Variants in HTR4 observed in about 807,000 individuals in gnomAD.
HTR4 encodes the protein 5-hydroxytryptamine (serotonin) receptor 4, G protein-coupled.
Under a neutral mutation model 36.8 loss-of-function variants are expected in HTR4, and 16 were observed. That is an observed-to-expected ratio of 0.43 (90% CI 0.29 to 0.66). The LOEUF is 0.66. Among genes scored for constraint, HTR4 ranks in the 30% least tolerant of loss-of-function variants. HTR4 has a pLI of 0.13. For synonymous variants in HTR4, 189 were observed against 185.1 expected (o/e 1.02, Z -0.17); for missense variants, 438 against 490.9 (o/e 0.89, Z 1.02).
chr5:148,611,770 A>G (rs1752439404), intron 2 of HTR4, among the ~76,000 whole-genome samples: 2 of 151,788 alleles, frequency 1.3e-5, no homozygotes, highest in African/African-American at 4.8e-5. Context: ...AGTGTGCTGT[A>G]TTCAGGAAAC....
chr5:148,540,340 C>G (rs1260990363), intron 4 of HTR4, among the ~76,000 whole-genome samples: 8 of 136,610 alleles, frequency 5.9e-5, no homozygotes, highest in Non-Finnish European at 1.2e-4. Context: ...AACTATATAA[C>G]AAATCTTCAA....
intron 6 of HTR4, among the ~76,000 whole-genome samples, chr5:148,499,550 C>T (rs1581385226): frequency 6.6e-6 from 1 of 152,198 alleles, no homozygotes; most frequent in African/African-American, 2.4e-5. Flanking sequence ...TAAGCCTGCC[C>T]TCTAATATGT....
At chr5:148,650,715 T>C (rs1754010050) in intron 1 of HTR4, among the ~76,000 whole-genome samples, 1 of 152,170 alleles carries the variant, frequency 6.6e-6, no homozygotes, top group Non-Finnish European at 1.5e-5. Context: ...ACTTTTCCAT[T>C]ACCCAACACT....
At position 148,509,451 on chromosome 5, in the gene HTR4, C is replaced by T. The variant is rs942606439; in HGVS notation, c.1076+5G>A. On this transcript the variant is annotated splice_donor_5th_base_variant and intron_variant, in intron 6 of 6. Coordinates refer to ENST00000377888, the MANE Select transcript of HTR4 (RefSeq NM_000870.7). The stretch of plus-strand genomic sequence containing the variant: ...CAAATCAATGAACTCCCTTAGTATA[C>T]TCACCTTAGTACATGTGTGGATCCA... 3.1e-6 allele frequency: 5 copies of T among 1,590,718 alleles called. No individual in the cohort carries two copies. Among genetic ancestry groups the T allele is most frequent in the Non-Finnish European group, 4.3e-6 (5 of 1,166,052 alleles).
At chr5:148,639,565 C>T (rs1459369160) in intron 1 of HTR4, among the ~76,000 whole-genome samples, 2 of 148,948 alleles carry the variant, frequency 1.3e-5, no homozygotes, top group African/African-American at 5.0e-5. Context: ...ATTTCACACC[C>T]CATTTTCTAA....
rs565163343 is a variant in HTR4, at chr5:148,583,730, G to A, written c.27-33468C>T. Among the ~76,000 whole-genome samples, 4 of 151,900 alleles carry A rather than the reference G, an allele frequency of 2.6e-5. No homozygotes were observed. In the South Asian group the frequency reaches 6.3e-4, roughly 24 times the overall value. Reference sequence around the variant, plus strand: ...TACCACACACCCACTCCTAATCTGGGCCATGTAAAAACTGTGGAGATGATG... The same window carrying A: ...TACCACACACCCACTCCTAATCTGGACCATGTAAAAACTGTGGAGATGATG... On this transcript the variant is annotated intron_variant, in intron 2 of 6. Coordinates refer to ENST00000377888, the MANE Select transcript of HTR4 (RefSeq NM_000870.7).
chr5:148,479,521 A>G (rs1755808705), downstream of HTR4, among the ~76,000 whole-genome samples: 1 of 152,220 alleles, frequency 6.6e-6, no homozygotes, highest in Non-Finnish European at 1.5e-5. Flanking sequence ...TAATTTATCA[A>G]TAAATATAAT....
chr5:148,531,005 A>G (rs1484116770), intron 4 of HTR4, among the ~76,000 whole-genome samples: 2 of 152,116 alleles, frequency 1.3e-5, no homozygotes, highest in Admixed American at 1.3e-4. Context: ...GGCCATATTT[A>G]CCCAATGCCT....
chr5:148,616,103 TG>T lies in HTR4; in HGVS notation c.26+20885del, dbSNP rs1752672834. Among the ~76,000 whole-genome samples, 2 of 152,364 alleles carry T rather than the reference TG, an allele frequency of 1.3e-5. 1 individual carries two copies. The highest frequency in any genetic ancestry group is 4.1e-4 in the South Asian group (2 of 4,832). ...ACGTATTAGCTCAATGAATGGATTC[TG>T]GGCATCTGCACGAAGGAGAAATATG... On this transcript the variant is annotated intron_variant, in intron 2 of 6. Transcript: ENST00000377888.
chr5:148,453,490 G>A (rs976917685), intron 5 of HTR4, among the ~76,000 whole-genome samples: 1 of 152,170 alleles, frequency 6.6e-6, no homozygotes, highest in Non-Finnish European at 1.5e-5. Flanking sequence ...AGCCCTGTGA[G>A]ATATAGTGAG....
At chr5:148,465,327 G>A (rs376179123) in intron 5 of HTR4, among the ~76,000 whole-genome samples, 1 of 152,090 alleles carries the variant, frequency 6.6e-6, no homozygotes, top group East Asian at 1.9e-4. Context: ...CTGTGCCTGG[G>A]GTAAGGAGGC....
intron 2 of HTR4, among the ~76,000 whole-genome samples, chr5:148,605,292 C>A (rs1752110530): frequency 8.2e-6 from 1 of 121,774 alleles, no homozygotes. Flanking sequence ...GAGTCTCACT[C>A]TTGTCGCCCA....
intron 2 of HTR4, among the ~76,000 whole-genome samples, chr5:148,570,478 G>C (rs1760628689): frequency 6.6e-6 from 1 of 152,116 alleles, no homozygotes; most frequent in Non-Finnish European, 1.5e-5. Context: ...GATGATAATT[G>C]AGCTGCAACT....
chr5:148,500,241 A>G (rs1756877193), intron 6 of HTR4, among the ~76,000 whole-genome samples: 1 of 151,942 alleles, frequency 6.6e-6, no homozygotes, highest in Non-Finnish European at 1.5e-5. Context: ...CCCTGGAGAT[A>G]TTGATCAAAG....
At chr5:148,593,702 A>G (rs17108477) in intron 2 of HTR4, among the ~76,000 whole-genome samples, 18,485 of 152,160 alleles carry the variant, frequency 0.12, 1,218 homozygotes, top group African/African-American at 0.15. Flanking sequence ...CTGTCATTCT[A>G]TGGCTTAAAA....
At chr5:148,653,048 C>T (rs1435467367) in intron 1 of HTR4, among the ~76,000 whole-genome samples, 1 of 152,110 alleles carries the variant, frequency 6.6e-6, no homozygotes, top group Non-Finnish European at 1.5e-5. Flanking sequence ...GCAGCAACAT[C>T]TCCCTTGGTC....
At chr5:148,491,494 A>T (rs1756437459) in intron 6 of HTR4, among the ~76,000 whole-genome samples, 1 of 151,934 alleles carries the variant, frequency 6.6e-6, no homozygotes, top group Non-Finnish European at 1.5e-5. Flanking sequence ...GGGTTTCTTA[A>T]CCTCGGCACT....
chr5:148,625,935 T>A (rs1294668391), intron 2 of HTR4, among the ~76,000 whole-genome samples: 1 of 152,100 alleles, frequency 6.6e-6, no homozygotes, highest in Non-Finnish European at 1.5e-5. Flanking sequence ...TTCATTTTGT[T>A]CACACAGATG....
downstream of HTR4, among the ~76,000 whole-genome samples, chr5:148,478,610 G>A (rs754937646): frequency 1.3e-5 from 2 of 152,140 alleles, no homozygotes; most frequent in Non-Finnish European, 2.9e-5. Context: ...CCCTGGTCCA[G>A]CGATTGGGCT....
Sources: allele counts gnomAD v4.1 joint callset (sites outside exome capture counted in the v4.1 genomes callset), GRCh38; gene constraint gnomAD v4.1.1; transcripts MANE v1.5; gene names NCBI Gene and HGNC (gene_info 2026-07-23, HGNC 2026-07-21).